The following GLCCI1 variants were observed in gnomAD, a reference collection of about 807,000 sequenced individuals.
GLCCI1 encodes the protein glucocorticoid-induced transcript 1 protein.
GLCCI1 carries 24 observed loss-of-function variants against 52.2 expected under a neutral mutation model. The observed-to-expected ratio is 0.46, with a 90% CI of 0.33 to 0.65. The LOEUF (loss-of-function observed/expected upper bound fraction) is 0.65. GLCCI1 is among the 30% of genes least tolerant of loss of function. GLCCI1 has a pLI of 0.02. For synonymous variants in GLCCI1, 310 were observed against 276.5 expected (o/e 1.12, Z -1.20); for missense variants, 704 against 701.5 (o/e 1.00, Z -0.04).
chr7:8,042,751 G>A (rs1158770470), intron 3 of GLCCI1, among the ~76,000 whole-genome samples: 1 of 152,208 alleles, frequency 6.6e-6, no homozygotes, highest in Non-Finnish European at 1.5e-5. Flanking sequence ...TTCTTAAGTA[G>A]GAATGTACTC....
At chr7:8,021,195 G>T (rs1429795195) in intron 2 of GLCCI1, among the ~76,000 whole-genome samples, 1 of 152,084 alleles carries the variant, frequency 6.6e-6, no homozygotes, top group East Asian at 1.9e-4. Context: ...CTGTAAAATA[G>T]AACTGATGAC....
intron 5 of GLCCI1, among the ~76,000 whole-genome samples, chr7:8,069,354 G>A (rs911626898): frequency 7.9e-5 from 12 of 152,132 alleles, no homozygotes; most frequent in African/African-American, 2.9e-4. Flanking sequence ...CTTGCTGGAG[G>A]TGTGGTTAAA....
At chr7:8,010,307 A>G (rs1328204762) in intron 2 of GLCCI1, among the ~76,000 whole-genome samples, 2 of 152,200 alleles carry the variant, frequency 1.3e-5, no homozygotes, top group Admixed American at 6.5e-5. Context: ...TTCTTTTTAA[A>G]TGAGGATTTA....
At chr7:8,057,343 A>G (rs1782420988) in intron 4 of GLCCI1, among the ~76,000 whole-genome samples, 1 of 152,210 alleles carries the variant, frequency 6.6e-6, no homozygotes, top group Non-Finnish European at 1.5e-5. Flanking sequence ...TCATGTATCC[A>G]TGCATCCATG....
At chr7:8,039,319 G>A (rs373493636) in intron 3 of GLCCI1, among the ~76,000 whole-genome samples, 2 of 151,990 alleles carry the variant, frequency 1.3e-5, no homozygotes, top group Non-Finnish European at 1.5e-5. Context: ...CACTATTCAC[G>A]GTAGCAAAGA....
At chr7:8,058,859 C>T (rs775444421) in intron 4 of GLCCI1, among the ~76,000 whole-genome samples, 38 of 152,112 alleles carry the variant, frequency 2.5e-4, no homozygotes, top group Middle Eastern at 6.8e-3. Flanking sequence ...GAAGCCTTGC[C>T]GATAACGTAA....
intron 2 of GLCCI1, among the ~76,000 whole-genome samples, chr7:8,006,495 A>G (rs149994963): frequency 3.3e-5 from 5 of 152,350 alleles, no homozygotes; most frequent in African/African-American, 1.2e-4. Flanking sequence ...ATTAAGTATG[A>G]TAATATTGAA....
chr7:8,086,537 A>G lies in GLCCI1; in HGVS notation c.1643A>G (p.Ter548=), dbSNP rs776191660. ...TCTGCTCAGAACTATGTGATCATCT[A>G]AAAAAGGGGGAGCTGGCCTCCACCC... ...HISAQNYVII[*] Residue 548 remains the stop codon, a stop_retained_variant, in exon 8 of 8, where the codon TAA becomes TGA. Transcript: ENST00000223145. The surrounding 1 kb of genome is among the most constrained non-coding windows in gnomAD (Gnocchi z 4.4). The G allele has an allele frequency of 7.6e-6, 12 of 1,574,338 alleles. No individual in the cohort carries two copies. Among genetic ancestry groups the G allele is most frequent in the East Asian group, 6.7e-5 (3 of 44,530 alleles).
intron 1 of GLCCI1, among the ~76,000 whole-genome samples, chr7:8,001,026 T>G (rs1409789712): frequency 6.6e-6 from 1 of 152,224 alleles, no homozygotes; most frequent in Non-Finnish European, 1.5e-5. Flanking sequence ...TTGGGGCATT[T>G]AGCCCATTTA....
chr7:8,035,739 C>A (rs1032415799), intron 3 of GLCCI1, among the ~76,000 whole-genome samples: 18 of 152,268 alleles, frequency 1.2e-4, no homozygotes, highest in African/African-American at 4.1e-4. Flanking sequence ...TTGTCTGTCC[C>A]GTCAGAGTGT....
chr7:8,051,307 C>G (rs1584001444), intron 3 of GLCCI1, among the ~76,000 whole-genome samples: 1 of 152,216 alleles, frequency 6.6e-6, no homozygotes, highest in African/African-American at 2.4e-5. Context: ...GCTCATTCCT[C>G]TTTGCCATGC....
chr7:8,081,903 A>G (rs1783001445), intron 6 of GLCCI1, among the ~76,000 whole-genome samples: 1 of 152,196 alleles, frequency 6.6e-6, no homozygotes, highest in African/African-American at 2.4e-5. Flanking sequence ...AAAGATGTGA[A>G]TAACTATATT....
intron 1 of GLCCI1, among the ~76,000 whole-genome samples, chr7:7,983,832 GTTA>G: frequency 6.6e-6 from 1 of 152,270 alleles, no homozygotes; most frequent in East Asian, 1.9e-4. Context: ...TTTAAGGCCT[GTTA>G]TTCAGTGGTA....
intron 1 of GLCCI1, among the ~76,000 whole-genome samples, chr7:8,000,208 T>G (rs1432241254): frequency 1.3e-5 from 2 of 152,216 alleles, no homozygotes; most frequent in Admixed American, 1.3e-4. Flanking sequence ...AAGTAAACTT[T>G]AAAATTTTAA....
rs769403318 is a variant in GLCCI1 at position 8,060,259 on chromosome 7, A to G, written c.966+11A>G. 7.5e-6 allele frequency: 12 copies of G among 1,600,118 alleles called. No homozygotes were observed. The highest frequency in any genetic ancestry group is 1.7e-4 in the Middle Eastern group (1 of 6,036). ...GAAGAAGTATCCAAGGTAAGGTTAC[A>G]TGGGATATTTGAATCCTTTTTTTCT... is the stretch of plus-strand genomic sequence containing the variant. On this transcript the variant is annotated intron_variant, in intron 5 of 7. Transcript: ENST00000223145.
intron 1 of GLCCI1, among the ~76,000 whole-genome samples, chr7:7,988,487 T>C (rs75744739): frequency 0.016 from 2,388 of 152,296 alleles, 53 homozygotes; most frequent in East Asian, 0.085. Context: ...TGAGGAATTA[T>C]ATATGTTTTC....
intron 3 of GLCCI1, among the ~76,000 whole-genome samples, chr7:8,023,721 C>T (rs1781550509): frequency 6.6e-6 from 1 of 150,798 alleles, no homozygotes. Flanking sequence ...GCCTCAGCCA[C>T]CCGAGTAGCT....
intron 2 of GLCCI1, among the ~76,000 whole-genome samples, chr7:8,005,886 C>T (rs1435772786): frequency 6.6e-6 from 1 of 152,048 alleles, no homozygotes; most frequent in Non-Finnish European, 1.5e-5. Flanking sequence ...GCACCCTCCG[C>T]CTCCCAGGTT....
chr7:8,014,516 C>G (rs750302667), intron 2 of GLCCI1, among the ~76,000 whole-genome samples: 5 of 152,248 alleles, frequency 3.3e-5, no homozygotes, highest in Middle Eastern at 3.4e-3. Context: ...GTTTATTATT[C>G]AGCAATGAGT....
Sources: gnomAD v4.1 joint callset for allele counts (sites outside exome capture counted in the v4.1 genomes callset) on GRCh38, gnomAD v4.1.1 for gene constraint, Gnocchi (gnomAD v3.1) non-coding constraint, MANE v1.5 for transcripts, NCBI Gene and HGNC (gene_info 2026-07-23, HGNC 2026-07-21) for gene names.